TRMT9B: variants seen among roughly 807,000 people sequenced by gnomAD.
TRMT9B encodes tRNA methyltransferase 9B (putative).
A neutral mutation model predicts 11.5 loss-of-function variants in TRMT9B; 16 were observed. The ratio of observed to expected loss-of-function variants is 1.39; its 90% confidence interval spans 0.94 to 2.11. TRMT9B has a LOEUF of 2.11. Among genes scored for constraint, TRMT9B ranks in the 30% most tolerant of loss-of-function variants. TRMT9B has a pLI of 0.00. For missense variants in TRMT9B, 941 were observed against 553.8 expected (o/e 1.70, Z -7.02); for synonymous variants, 274 against 192.4 (o/e 1.42, Z -3.51).
At chr8:12,992,776 G>A (rs1222355724) in intron 2 of TRMT9B, among the ~76,000 whole-genome samples, 2 of 152,134 alleles carry the variant, frequency 1.3e-5, no homozygotes, top group Admixed American at 6.5e-5. Flanking sequence ...GGCTGAGGCA[G>A]GAGAATTGCT....
chr8:13,020,268 A>G (rs11204026), intron 4 of TRMT9B, among the ~76,000 whole-genome samples: 101,913 of 151,510 alleles, frequency 0.67, 35,184 homozygotes, highest in East Asian at 0.75. Context: ...TCTTGACACA[A>G]TACCGTGATT....
Position 13,022,477 on chromosome 8 carries a change from A to G in TRMT9B, c.*433A>G, listed in dbSNP as rs538329589. ...GTTATAACTGAGAGCAGTGTGCAAGATAATAGGTAAATTTGATCCATTGCA... is the reference window on the plus strand; with the variant it reads ...GTTATAACTGAGAGCAGTGTGCAAGGTAATAGGTAAATTTGATCCATTGCA... On this transcript the variant is annotated 3_prime_UTR_variant, in exon 5 of 5. Coordinates refer to ENST00000524591, the MANE Select transcript of TRMT9B (RefSeq NM_020844.3). 1.2e-5 allele frequency: 2 copies of G among 169,976 alleles called. No individual in the cohort carries two copies. Among genetic ancestry groups the G allele is most frequent in the Admixed American group, 6.5e-5 (1 of 15,478 alleles). The allele number at this position is 169,976 out of a possible 1,614,324, so 10.5% of individuals were successfully genotyped here. A position where few individuals can be genotyped will look rare whatever the true frequency, so the allele number is the denominator to read the frequency against.
chr8:12,948,201 C>A (rs1800360239), intron 1 of TRMT9B, among the ~76,000 whole-genome samples: 3 of 152,012 alleles, frequency 2.0e-5, no homozygotes, highest in Admixed American at 2.0e-4. Context: ...CATTAACCTG[C>A]AATTGGGCAA....
chr8:13,003,464 C>T (rs1333043776), intron 2 of TRMT9B, among the ~76,000 whole-genome samples: 2 of 152,052 alleles, frequency 1.3e-5, no homozygotes, highest in Non-Finnish European at 2.9e-5. Context: ...ATGCCTTTTC[C>T]AAGAATGACT....
At position 12,971,234 on chromosome 8, in the gene TRMT9B, C is replaced by T. The variant is rs1365353324; in HGVS notation, c.-199-19600C>T. ...TATTTATTTTTCTTTCTTTTTGTTT[C>T]CCCTTTTTTCAATTTTTTTCTTTTT... On this transcript the variant is annotated intron_variant, in intron 1 of 4. Transcript: ENST00000524591. Among the ~76,000 whole-genome samples the T allele has an allele frequency of 6.6e-5, 10 of 152,022 alleles. No individual in the cohort carries two copies. In the East Asian group the frequency reaches 1.9e-3, roughly 29 times the overall value.
chr8:13,022,296 C>G lies in TRMT9B; in HGVS notation c.*252C>G, dbSNP rs373363309. On this transcript the variant is annotated 3_prime_UTR_variant, in exon 5 of 5. Coordinates refer to ENST00000524591, the MANE Select transcript of TRMT9B (RefSeq NM_020844.3). Reference sequence around the variant, plus strand: ...GATCTGAAGAAGCAACAGAAAGTACCCTTCAGTACACCTCAGACTTTTTTT... The same window carrying G: ...GATCTGAAGAAGCAACAGAAAGTACGCTTCAGTACACCTCAGACTTTTTTT... The G allele has an allele frequency of 2.5e-6, 1 of 393,728 alleles. No individual in the cohort carries two copies. The highest frequency in any genetic ancestry group is 2.1e-5 in the African/African-American group (1 of 47,894). 24.4% of individuals were successfully genotyped at this position (393,728 alleles called of 1,614,324 possible). A position where few individuals can be genotyped will look rare whatever the true frequency, so the allele number is the denominator to read the frequency against.
intron 3 of TRMT9B, chr8:13,006,612 G>A (rs976255457): frequency 2.7e-5 from 37 of 1,383,854 alleles, no homozygotes; most frequent in African/African-American, 2.6e-4. Flanking sequence ...TCATTTTACA[G>A]CAGAAACTCG....
chr8:12,951,887 G>A lies in TRMT9B; in HGVS notation c.-200+5921G>A, dbSNP rs567010768. On this transcript the variant is annotated intron_variant, in intron 1 of 4. Coordinates refer to ENST00000524591, the MANE Select transcript of TRMT9B (RefSeq NM_020844.3). ...GGGCTAGCGAAGCACCCCCGACCGG[G>A]CCCAGGCGCCGGACGCCGGGGGGCG... The A allele has an allele frequency of 4.7e-3, 714 of 152,516 alleles. 10 individuals are homozygous for A. The highest frequency in any genetic ancestry group is 3.5e-3 in the Non-Finnish European group (238 of 68,456). The allele number at this position is 152,516 out of a possible 1,614,324, so 9.4% of individuals were successfully genotyped here.
intron 1 of TRMT9B, among the ~76,000 whole-genome samples, chr8:12,978,247 G>A (rs570500808): frequency 1.3e-5 from 2 of 152,166 alleles, no homozygotes; most frequent in African/African-American, 4.8e-5. Context: ...TGGCTGACAG[G>A]AGAATGCAGG....
chr8:12,953,290 A>G (rs1045022653), intron 1 of TRMT9B, among the ~76,000 whole-genome samples: 7 of 152,160 alleles, frequency 4.6e-5, no homozygotes, highest in African/African-American at 1.4e-4. Flanking sequence ...TAAAATTGCT[A>G]TTATTCATGT....
At chr8:13,015,391 A>G (rs542291024) in intron 4 of TRMT9B, among the ~76,000 whole-genome samples, 8 of 152,016 alleles carry the variant, frequency 5.3e-5, no homozygotes, top group African/African-American at 1.7e-4. Flanking sequence ...CAATTTTTTT[A>G]TTGGTCTCAC....
At chr8:12,997,983 G>A (rs764837811) in intron 2 of TRMT9B, among the ~76,000 whole-genome samples, 2 of 152,046 alleles carry the variant, frequency 1.3e-5, no homozygotes, top group Non-Finnish European at 2.9e-5. Context: ...TTAAATTTGC[G>A]GTTCCCTGAT....
chr8:13,006,114 C>T, intron 2 of TRMT9B, 88 bp from the exon 3 acceptor site: 2 of 1,298,102 alleles, frequency 1.5e-6, no homozygotes, highest in East Asian at 2.4e-5. Flanking sequence ...GTTGTAGGCT[C>T]CAGATTTTAG....
At chr8:12,975,008 T>A (rs1284358503) in intron 1 of TRMT9B, among the ~76,000 whole-genome samples, 1 of 151,446 alleles carries the variant, frequency 6.6e-6, no homozygotes, top group Non-Finnish European at 1.5e-5. Flanking sequence ...TGGTCTGTGG[T>A]CATACATAAG....
intron 2 of TRMT9B, among the ~76,000 whole-genome samples, chr8:12,994,273 C>T (rs1354519693): frequency 6.6e-6 from 1 of 152,234 alleles, no homozygotes; most frequent in African/African-American, 2.4e-5. Context: ...AATCTTAGAT[C>T]TCCAAAATTA....
chr8:12,973,155 G>T (rs1444115133), intron 1 of TRMT9B, among the ~76,000 whole-genome samples: 3 of 152,192 alleles, frequency 2.0e-5, no homozygotes, highest in African/African-American at 7.2e-5. Flanking sequence ...TTTGTGGCAT[G>T]TGTCAGAATT....
At chr8:12,977,520 A>G (rs1014497575) in intron 1 of TRMT9B, among the ~76,000 whole-genome samples, 5 of 151,988 alleles carry the variant, frequency 3.3e-5, no homozygotes, top group Non-Finnish European at 7.4e-5. Flanking sequence ...GGCCAACATG[A>G]TGAAACCCCA....
chr8:13,011,280 C>T, intron 3 of TRMT9B: 1 of 985,146 alleles, frequency 1.0e-6, no homozygotes, highest in Non-Finnish European at 1.2e-6. Flanking sequence ...GCCACCGCGC[C>T]AGACCCCAAA....
intron 1 of TRMT9B, among the ~76,000 whole-genome samples, chr8:12,990,223 C>T (rs1807095874): frequency 6.6e-6 from 1 of 152,140 alleles, no homozygotes; most frequent in Non-Finnish European, 1.5e-5. Flanking sequence ...CAATTAGGGT[C>T]CAAGGTGTTA....
Sources: allele counts gnomAD v4.1 joint callset (sites outside exome capture counted in the v4.1 genomes callset), GRCh38; gene constraint gnomAD v4.1.1; transcripts MANE v1.5; gene names NCBI Gene and HGNC (gene_info 2026-07-23, HGNC 2026-07-21).